The following DNAJC8 variants were observed in gnomAD, a reference collection of about 807,000 sequenced individuals.
DNAJC8 encodes the protein dnaJ homolog subfamily C member 8.
DNAJC8 carries 24 observed loss-of-function variants against 43.2 expected under a neutral mutation model. That is an observed-to-expected ratio of 0.56 (90% CI 0.40 to 0.78). The LOEUF (loss-of-function observed/expected upper bound fraction) is 0.78. DNAJC8 is among the 30% of genes least tolerant of loss of function. The probability of loss-of-function intolerance (pLI) is 0.00; values close to 1 mark genes in which losing one functional copy is unlikely to be tolerated. For missense variants in DNAJC8, 207 were observed against 299.4 expected (o/e 0.69, Z 2.28); for synonymous variants, 83 against 98.0 (o/e 0.85, Z 0.90).
At chr1:28,208,510 C>G in intron 5 of DNAJC8, 97 bp from the exon 6 acceptor site, 9 of 589,258 alleles carry the variant, frequency 1.5e-5, no homozygotes, top group South Asian at 4.7e-5. Flanking sequence ...TCTATAGGCA[C>G]GGGTATAGCA....
chr1:28,200,570 T>C lies in DNAJC8; in HGVS notation c.*678A>G, dbSNP rs1187825090. On this transcript the variant is annotated 3_prime_UTR_variant, in exon 9 of 9. Coordinates refer to ENST00000263697, the MANE Select transcript of DNAJC8 (RefSeq NM_014280.3). Reference sequence around the variant, plus strand: ...TACATCAATGGCTTGGGTATAAAAATTTATTATACATAAAGAATATTACCA... The same window carrying C: ...TACATCAATGGCTTGGGTATAAAAACTTATTATACATAAAGAATATTACCA... The C allele has an allele frequency of 2.2e-6, 1 of 456,508 alleles. No individual in the cohort carries two copies. The highest frequency in any genetic ancestry group is 4.4e-6 in the Non-Finnish European group (1 of 226,810). 28.3% of individuals were successfully genotyped at this position (456,508 alleles called of 1,614,324 possible).
Position 28,215,540 on chromosome 1 carries a change from A to AT in DNAJC8, c.181-545dup, listed in dbSNP as rs547746869. 2.6e-3 allele frequency among the ~76,000 whole-genome samples: 370 copies of AT among 143,460 alleles called. 1 individual carries two copies. The highest frequency in any genetic ancestry group is 0.019 in the East Asian group (92 of 4,960). The allele number at this position is 143,460 out of a possible 152,430, so 94.1% of individuals were successfully genotyped here. A position where few individuals can be genotyped will look rare whatever the true frequency, so the allele number is the denominator to read the frequency against. On this transcript the variant is annotated intron_variant, in intron 2 of 8. Coordinates refer to ENST00000263697, the MANE Select transcript of DNAJC8 (RefSeq NM_014280.3). ...TAGGGCCAATAGGAGGAACAACTCT[A>AT]TTTTTTTTTTTTTTGAGATGGAGTC...
intron 2 of DNAJC8, among the ~76,000 whole-genome samples, chr1:28,217,263 C>T (rs1022225740): frequency 6.6e-6 from 1 of 151,916 alleles, no homozygotes; most frequent in Non-Finnish European, 1.5e-5. Context: ...TCTTGAGCAA[C>T]TAGGACTGTA....
intron 5 of DNAJC8, chr1:28,208,751 G>A (rs1261855167): frequency 1.2e-5 from 2 of 166,994 alleles, no homozygotes; most frequent in Non-Finnish European, 2.6e-5. Context: ...GTGGTTATGT[G>A]TTTAGAGCAA....
intron 2 of DNAJC8, among the ~76,000 whole-genome samples, chr1:28,218,254 C>T (rs1397273564): frequency 6.6e-6 from 1 of 151,810 alleles, no homozygotes; most frequent in East Asian, 1.9e-4. Context: ...TGCCACCACG[C>T]CCGGCTCATT....
At chr1:28,215,062 C>T in intron 2 of DNAJC8, 66 bp from the exon 3 acceptor site, 5 of 1,343,492 alleles carry the variant, frequency 3.7e-6, no homozygotes, top group Non-Finnish European at 4.1e-6. Flanking sequence ...TTAAGAGTTG[C>T]TCAGTAATTA....
chr1:28,214,628 G>A (rs1366228755), intron 3 of DNAJC8, among the ~76,000 whole-genome samples: 1 of 152,102 alleles, frequency 6.6e-6, no homozygotes, highest in Non-Finnish European at 1.5e-5. Flanking sequence ...TTCCCTCCTA[G>A]AAGACAGGGG....
intron 2 of DNAJC8, among the ~76,000 whole-genome samples, chr1:28,222,961 G>A (rs1040480621): frequency 2.0e-5 from 3 of 152,168 alleles, no homozygotes. Flanking sequence ...GCATCCGTGT[G>A]GAAGTAGAAT....
At chr1:28,231,312 A>C (rs1027191699) in intron 1 of DNAJC8, among the ~76,000 whole-genome samples, 1 of 152,186 alleles carries the variant, frequency 6.6e-6, no homozygotes, top group African/African-American at 2.4e-5. Flanking sequence ...TGTGCATTCC[A>C]GCTTGGGCAA....
At chr1:28,222,272 G>C (rs1433877308) in intron 2 of DNAJC8, among the ~76,000 whole-genome samples, 1 of 151,870 alleles carries the variant, frequency 6.6e-6, no homozygotes, top group Non-Finnish European at 1.5e-5. Flanking sequence ...GATCACCTGA[G>C]GTCAGGCGTT....
intron 2 of DNAJC8, among the ~76,000 whole-genome samples, chr1:28,216,489 A>G (rs1646855531): frequency 6.6e-6 from 1 of 152,244 alleles, no homozygotes; most frequent in Non-Finnish European, 1.5e-5. Context: ...AAAGCCTCTG[A>G]TAAGATTATA....
intron 8 of DNAJC8, among the ~76,000 whole-genome samples, chr1:28,202,057 T>G (rs1169295535): frequency 3.3e-5 from 5 of 151,740 alleles, no homozygotes; most frequent in African/African-American, 1.2e-4. Context: ...GCCATCGCAC[T>G]CCAGCCTGAG....
At chr1:28,202,336 G>C (rs1414428483) in intron 8 of DNAJC8, among the ~76,000 whole-genome samples, 1 of 152,098 alleles carries the variant, frequency 6.6e-6, no homozygotes, top group East Asian at 1.9e-4. Flanking sequence ...CTGGAGTGCA[G>C]TGGTGCGATC....
chr1:28,232,953 T>C lies in DNAJC8; in HGVS notation c.46A>G (p.Thr16Ala). 6.2e-7 allele frequency: 1 copy of C among 1,613,370 alleles called. No homozygotes were observed. The highest frequency in any genetic ancestry group is 8.5e-7 in the Non-Finnish European group (1 of 1,180,018). Reference sequence around the variant, plus strand: ...TAGAAGGTCATAAATGCTTCCTCGGTGCTGCCTCCGCCGCCTGAAGTCCCG... The same window carrying C: ...TAGAAGGTCATAAATGCTTCCTCGGCGCTGCCTCCGCCGCCTGAAGTCCCG... ...ESGTSGGGGS[T>A]EEAFMTFYSE... is the part of the protein sequence containing the mutation. Residue 16 changes from threonine (T) to alanine (A), a missense_variant, in exon 1 of 9, where the codon ACC becomes GCC. Coordinates refer to ENST00000263697, the MANE Select transcript of DNAJC8 (RefSeq NM_014280.3).
chr1:28,229,062 C>T (rs754769936), intron 1 of DNAJC8, 39 bp from the exon 2 acceptor site: 1 of 1,512,200 alleles, frequency 6.6e-7, no homozygotes, highest in East Asian at 2.3e-5. Context: ...TAATAGAATT[C>T]AATAACAAAC....
chr1:28,217,099 C>G (rs575716009), intron 2 of DNAJC8, among the ~76,000 whole-genome samples: 1 of 151,580 alleles, frequency 6.6e-6, no homozygotes, highest in Admixed American at 6.6e-5. Flanking sequence ...TGAGCCACCG[C>G]GCCTGGCCTT....
Position 28,232,951 on chromosome 1 carries a change from G to C in DNAJC8, c.48C>G (p.Thr16=), listed in dbSNP as rs1557716601. The change falls in exon 1 of 9, where the codon ACC becomes ACG. Residue 16 remains threonine, a synonymous_variant. Transcript: ENST00000263697. The part of the protein sequence containing the change: ...ESGTSGGGGS[T]EEAFMTFYSE... The stretch of plus-strand genomic sequence containing the variant: ...TGTAGAAGGTCATAAATGCTTCCTC[G>C]GTGCTGCCTCCGCCGCCTGAAGTCC... The C allele has an allele frequency of 3.7e-6, 6 of 1,613,202 alleles. No individual in the cohort carries two copies. Among genetic ancestry groups the C allele is most frequent in the Non-Finnish European group, 4.2e-6 (5 of 1,180,022 alleles).
intron 2 of DNAJC8, among the ~76,000 whole-genome samples, chr1:28,226,806 T>C (rs74971125): frequency 0.062 from 9,354 of 151,268 alleles, 572 homozygotes; most frequent in Middle Eastern, 0.094. Context: ...TCCTCAGTAT[T>C]TGAGAATTCT....
chr1:28,232,923 C>A lies in DNAJC8; in HGVS notation c.76G>T (p.Glu26Ter). ...TEEAFMTFYS[E>*]VKQIEKRDSV... The stretch of plus-strand genomic sequence containing the variant: ...ACTACTCCTCACTCTGTGTTCACCT[C>A]ACTGTAGAAGGTCATAAATGCTTCC... Residue 26 changes from glutamate (E) to a stop codon, truncating the protein, a stop_gained and splice_region_variant, in exon 1 of 9, where the codon GAG becomes TAG. Transcript: ENST00000263697. LOFTEE classifies it high-confidence loss of function. 2 of 1,613,178 alleles carry A rather than the reference C, an allele frequency of 1.2e-6. No homozygotes were observed. Among genetic ancestry groups the A allele is most frequent in the Non-Finnish European group, 1.7e-6 (2 of 1,180,012 alleles).
Sources: gnomAD v4.1 joint callset for allele counts (sites outside exome capture counted in the v4.1 genomes callset) on GRCh38, gnomAD v4.1.1 for gene constraint, MANE v1.5 for transcripts, NCBI Gene and HGNC (gene_info 2026-07-23, HGNC 2026-07-21) for gene names.